PTPRD: variants seen among roughly 807,000 people sequenced by gnomAD.
PTPRD encodes the protein protein tyrosine phosphatase receptor type D.
Under a neutral mutation model 214.5 loss-of-function variants are expected in PTPRD, and 34 were observed. That is an observed-to-expected ratio of 0.16 (90% CI 0.12 to 0.21). The LOEUF (loss-of-function observed/expected upper bound fraction) is 0.21. PTPRD is among the 10% of genes least tolerant of loss of function. The probability of loss-of-function intolerance (pLI) is 1.00; values close to 1 mark genes in which losing one functional copy is unlikely to be tolerated. For synonymous variants in PTPRD, 1,128 were observed against 845.7 expected, an observed-to-expected ratio of 1.33 and a Z score of -5.79; for missense variants, 2,545 against 2,398.7, an observed-to-expected ratio of 1.06 and a Z score of -1.27.
intron 3 of PTPRD, among the ~76,000 whole-genome samples, chr9:10,057,013 A>G (rs898626741): frequency 6.6e-6 from 1 of 152,190 alleles, no homozygotes; most frequent in African/African-American, 2.4e-5. Flanking sequence ...TATAATGTTC[A>G]TAAATACAAG....
chr9:9,238,823 G>T (rs934456599), intron 9 of PTPRD, among the ~76,000 whole-genome samples: 1 of 152,084 alleles, frequency 6.6e-6, no homozygotes, highest in Non-Finnish European at 1.5e-5. Context: ...GAAAATCCAC[G>T]TATCTGATTA....
At chr9:10,029,436 G>A (rs1263606155) in intron 4 of PTPRD, among the ~76,000 whole-genome samples, 1 of 152,184 alleles carries the variant, frequency 6.6e-6, no homozygotes, top group Non-Finnish European at 1.5e-5. Context: ...GAAAGCAGCT[G>A]GGAGGGAGGC....
chr9:9,257,618 C>T (rs1302795970), intron 9 of PTPRD, among the ~76,000 whole-genome samples: 2 of 151,716 alleles, frequency 1.3e-5, no homozygotes, highest in Admixed American at 1.3e-4. Flanking sequence ...ATAGTGAGAC[C>T]CTGTCTCTAC....
chr9:9,131,381 T>A (rs2099842360), intron 10 of PTPRD, among the ~76,000 whole-genome samples: 1 of 152,326 alleles, frequency 6.6e-6, no homozygotes, highest in Admixed American at 6.5e-5. Flanking sequence ...TCACAGCCTA[T>A]ACAAATTTGT....
chr9:8,594,645 T>C (rs1246454385), intron 14 of PTPRD, among the ~76,000 whole-genome samples: 1 of 152,044 alleles, frequency 6.6e-6, no homozygotes, highest in East Asian at 1.9e-4. Flanking sequence ...TGGTTTTATA[T>C]GTGTTTGACT....
chr9:8,397,727 G>C (rs2091526315), intron 36 of PTPRD, among the ~76,000 whole-genome samples: 1 of 152,132 alleles, frequency 6.6e-6, no homozygotes, highest in Admixed American at 6.6e-5. Flanking sequence ...AATAGCAGTA[G>C]TTTCTTGTCT....
intron 2 of PTPRD, among the ~76,000 whole-genome samples, chr9:10,473,706 A>G (rs972303091): frequency 1.3e-5 from 2 of 152,112 alleles, no homozygotes; most frequent in Admixed American, 6.6e-5. Context: ...TAAATAAATG[A>G]AAGTGTTCAG....
At chr9:9,048,158 C>G (rs1452806146) in intron 10 of PTPRD, among the ~76,000 whole-genome samples, 1 of 152,104 alleles carries the variant, frequency 6.6e-6, no homozygotes, top group African/African-American at 2.4e-5. Flanking sequence ...ATAACAAATA[C>G]TGGTGAGGAT....
rs185292277 is a variant in PTPRD at position 8,554,460 on chromosome 9, G to T, written c.353-25681C>A. 2.0e-3 allele frequency among the ~76,000 whole-genome samples: 300 copies of T among 152,170 alleles called. 3 individuals carry two copies. Among genetic ancestry groups the T allele is most frequent in the Non-Finnish European group, 3.0e-3 (205 of 68,014 alleles). The stretch of plus-strand genomic sequence containing the variant: ...TGAGCTATAAATAAATATCCTTTGG[G>T]TCAAGGAACTTAAACTTGGAGTGTA... On this transcript the variant is annotated intron_variant, in intron 14 of 45. Transcript: ENST00000381196.
At chr9:10,475,833 T>G (rs2099059165) in intron 2 of PTPRD, among the ~76,000 whole-genome samples, 1 of 152,006 alleles carries the variant, frequency 6.6e-6, no homozygotes, top group Non-Finnish European at 1.5e-5. Context: ...TATATGCATA[T>G]CAATAAATGT....
chr9:8,897,668 C>G (rs376293554), intron 11 of PTPRD, among the ~76,000 whole-genome samples: 2 of 152,152 alleles, frequency 1.3e-5, no homozygotes, highest in African/African-American at 2.4e-5. Context: ...TTCAGGGTAC[C>G]CTGATGGAAA....
chr9:8,660,080 GAATTGCA>G (rs1391058982), intron 12 of PTPRD, among the ~76,000 whole-genome samples: 1 of 152,136 alleles, frequency 6.6e-6, no homozygotes, highest in Non-Finnish European at 1.5e-5. Context: ...ACTTCCTAAT[GAATTGCA>G]AATGTGTTTT....
intron 9 of PTPRD, among the ~76,000 whole-genome samples, chr9:9,251,958 A>C (rs190395381): frequency 2.0e-5 from 3 of 152,190 alleles, no homozygotes; most frequent in Admixed American, 2.0e-4. Flanking sequence ...AAAAACTAGC[A>C]GTCTGACTTC....
At chr9:8,981,626 G>GA (rs546823861) in intron 11 of PTPRD, among the ~76,000 whole-genome samples, 76 of 151,692 alleles carry the variant, frequency 5.0e-4, no homozygotes, top group Admixed American at 2.0e-3. Context: ...AGCTAATCTA[G>GA]AAAAAAAATG....
intron 7 of PTPRD, among the ~76,000 whole-genome samples, chr9:9,673,861 C>A (rs1455506931): frequency 2.0e-5 from 3 of 151,552 alleles, no homozygotes; most frequent in Admixed American, 6.6e-5. Context: ...AACAATTAAA[C>A]CCCAAAGACA....
chr9:9,754,665 T>C (rs758762999), intron 6 of PTPRD, among the ~76,000 whole-genome samples: 2 of 152,128 alleles, frequency 1.3e-5, no homozygotes, highest in Non-Finnish European at 2.9e-5. Flanking sequence ...TACATTAACC[T>C]AATCACAAAG....
At chr9:9,134,764 A>G (rs2099848269) in intron 10 of PTPRD, among the ~76,000 whole-genome samples, 1 of 151,860 alleles carries the variant, frequency 6.6e-6, no homozygotes, top group Non-Finnish European at 1.5e-5. Context: ...CATGATTCCT[A>G]CCAAGAGACT....
chr9:9,268,816 A>C (rs1291921308), intron 9 of PTPRD, among the ~76,000 whole-genome samples: 1 of 150,892 alleles, frequency 6.6e-6, no homozygotes, highest in Non-Finnish European at 1.5e-5. Context: ...GCAAAAAAAA[A>C]AAAAAGGAAA....
intron 14 of PTPRD, among the ~76,000 whole-genome samples, chr9:8,574,062 A>G (rs1046456299): frequency 2.4e-4 from 36 of 152,050 alleles, no homozygotes; most frequent in Admixed American, 1.3e-4. Flanking sequence ...TTTATATCAT[A>G]TTCTATTATT....
Sources: allele counts gnomAD v4.1 joint callset (sites outside exome capture counted in the v4.1 genomes callset), GRCh38; gene constraint gnomAD v4.1.1; transcripts MANE v1.5; gene names NCBI Gene and HGNC (gene_info 2026-07-23, HGNC 2026-07-21).